LRRC71: variants seen among roughly 807,000 people sequenced by gnomAD.
LRRC71 encodes the protein leucine rich repeat containing 71.
Under a neutral mutation model 66.6 loss-of-function variants are expected in LRRC71, and 54 were observed. The ratio of observed to expected loss-of-function variants is 0.81; its 90% CI spans 0.65 to 1.02. The LOEUF is 1.02. Ranked by LOEUF, LRRC71 falls within the 50% of genes least tolerant of loss-of-function variation. LRRC71 has a pLI of 0.00. For missense variants in LRRC71, 724 were observed against 718.0 expected, an observed-to-expected ratio of 1.01 and a Z score of -0.10; for synonymous variants, 323 against 303.9, an observed-to-expected ratio of 1.06 and a Z score of -0.65.
intron 9 of LRRC71, among the ~76,000 whole-genome samples, chr1:156,928,386 C>T (rs1653627977): frequency 7.4e-6 from 1 of 135,824 alleles, no homozygotes; most frequent in South Asian, 2.5e-4. Flanking sequence ...TCTTCTTCTT[C>T]TTCTTCTTCT....
At chr1:156,922,082 G>A (rs544178798) in intron 1 of LRRC71, among the ~76,000 whole-genome samples, 2 of 152,252 alleles carry the variant, frequency 1.3e-5, no homozygotes, top group African/African-American at 4.8e-5. Context: ...GAGCTCTAAG[G>A]GGTGATGCCA....
downstream of LRRC71, among the ~76,000 whole-genome samples, chr1:156,933,804 A>G (rs1398797680): frequency 1.3e-5 from 2 of 152,242 alleles, no homozygotes; most frequent in African/African-American, 2.4e-5. Context: ...GCAGATCAGC[A>G]AAGACCAGCC....
At chr1:156,930,720 C>T in intron 12 of LRRC71, 103 bp downstream of exon 12, 1 of 1,059,184 alleles carries the variant, frequency 9.4e-7, no homozygotes. Context: ...TCTCCAGCCC[C>T]ATGCTGTGGC....
chr1:156,924,308 AG>A, intron 2 of LRRC71, 115 bp from the exon 3 acceptor site: 1 of 1,412,460 alleles, frequency 7.1e-7, no homozygotes, highest in Non-Finnish European at 9.4e-7. Flanking sequence ...CAGAGTCCGC[AG>A]GCCGGCGCCT....
downstream of LRRC71, among the ~76,000 whole-genome samples, chr1:156,934,051 T>C (rs1051232818): frequency 6.6e-6 from 1 of 152,176 alleles, no homozygotes; most frequent in African/African-American, 2.4e-5. Context: ...AAACCTATCA[T>C]TTCTTTGAAT....
At position 156,925,775 on chromosome 1, in the gene LRRC71, C is replaced by T. The variant is rs575946320; in HGVS notation, c.593+760C>T. On this transcript the variant is annotated intron_variant, in intron 5 of 14. Coordinates refer to ENST00000337428, the MANE Select transcript of LRRC71 (RefSeq NM_144702.3). The stretch of plus-strand genomic sequence containing the variant: ...GGTACCCCTCCATGCAGTGGCTTGC[C>T]TGTCTTCCTCCTGTAGATGGCATGG... Among the ~76,000 whole-genome samples the T allele has an allele frequency of 3.3e-5, 5 of 152,358 alleles. No homozygotes were observed. In the South Asian group the frequency reaches 8.3e-4, roughly 25 times the overall value.
chr1:156,932,096 T>C (rs822429), intron 13 of LRRC71, 69 bp downstream of exon 13: 270,286 of 1,250,546 alleles, frequency 0.22, 33,193 homozygotes, highest in African/African-American at 0.51. Context: ...CTGAGGGTGT[T>C]TACCCCGACT....
At chr1:156,938,670 C>A in the LRRC71 span, 1 of 594,486 alleles carries the variant, frequency 1.7e-6, no homozygotes, top group South Asian at 2.3e-5. Context: ...GATGACATCC[C>A]AGGCAGTGCA....
intron 11 of LRRC71, among the ~76,000 whole-genome samples, chr1:156,930,134 C>T (rs1300543443): frequency 7.4e-6 from 1 of 135,964 alleles, no homozygotes; most frequent in African/African-American, 2.9e-5. Flanking sequence ...ACTCTGTTGC[C>T]CAGGCTGGAG....
Position 156,929,738 on chromosome 1 carries a change from G to A in LRRC71, c.1240+9G>A, listed in dbSNP as rs375599123. Reference sequence around the variant, plus strand: ...AAAGGCAGGCAAGGGGAGTAAGTGCGGGTGCCCCTGGGTGGCATCTTCCTG... The same window carrying A: ...AAAGGCAGGCAAGGGGAGTAAGTGCAGGTGCCCCTGGGTGGCATCTTCCTG... On this transcript the variant is annotated intron_variant, in intron 11 of 14. Transcript: ENST00000337428. 36 of 1,551,726 alleles carry A rather than the reference G, an allele frequency of 2.3e-5. No homozygotes were observed. The highest frequency in any genetic ancestry group is 2.9e-5 in the Non-Finnish European group (33 of 1,147,216).
chr1:156,937,127 G>T, downstream of LRRC71: 1 of 1,568,042 alleles, frequency 6.4e-7, no homozygotes, highest in Non-Finnish European at 8.6e-7. Context: ...GCGGGCTGGG[G>T]GAAGATCCCT....
chr1:156,935,162 C>T (rs1654841509), downstream of LRRC71: 1 of 152,526 alleles, frequency 6.6e-6, no homozygotes, highest in Non-Finnish European at 1.5e-5. Context: ...GTACCTGCTT[C>T]ACTGGTTTTC....
At chr1:156,937,030 C>T, downstream of LRRC71, 3 of 1,607,012 alleles carry the variant, frequency 1.9e-6, no homozygotes, top group South Asian at 3.3e-5. Flanking sequence ...GGGGGAATGT[C>T]TGCTCGAGTC....
At position 156,924,695 on chromosome 1, in the gene LRRC71, G is replaced by C. The variant is rs1328207154; in HGVS notation, c.492G>C (p.Pro164=). 6.4e-7 allele frequency: 1 copy of C among 1,551,100 alleles called. No homozygotes were observed. Among genetic ancestry groups the C allele is most frequent in the Non-Finnish European group, 8.7e-7 (1 of 1,146,714 alleles). Residue 164 remains proline (P), a synonymous_variant, in exon 4 of 15, where the codon CCG becomes CCC. Transcript: ENST00000337428. ...GTGTCTTCTCTAAATGTCTGCCCCC[G>C]CTTACCCAGCTACAGGCCATCAAGT... ...ILGVFSKCLP[P]LTQLQAINLW...
At chr1:156,934,853 A>C (rs1043827712), downstream of LRRC71, 3 of 151,192 alleles carry the variant, frequency 2.0e-5, no homozygotes, top group African/African-American at 7.3e-5. Flanking sequence ...AGGATATTTA[A>C]CTTTTCTTAA....
intron 10 of LRRC71, 33 bp downstream of exon 10, chr1:156,929,462 G>A: frequency 1.2e-6 from 2 of 1,613,202 alleles, no homozygotes; most frequent in Non-Finnish European, 1.7e-6. Context: ...CCTGGGTGCT[G>A]GACGGACAGG....
the LRRC71 span, chr1:156,938,546 G>A: frequency 1.2e-6 from 2 of 1,602,206 alleles, no homozygotes; most frequent in African/African-American, 2.7e-5. Context: ...AGGAAGAGGA[G>A]AGACCAAAAC....
In LRRC71 at chr1:156,933,030, T is replaced by TG. The variant is rs1270640031; in HGVS notation, c.*65dup. On this transcript the variant is annotated 3_prime_UTR_variant, in exon 15 of 15. Coordinates refer to ENST00000337428, the MANE Select transcript of LRRC71 (RefSeq NM_144702.3). The stretch of plus-strand genomic sequence containing the variant: ...TACAGAAGCACCTCCTGTCCCTGTG[T>TG]GGGGTGACCTCCCTGGGGGAGATCT... 5.7e-6 allele frequency: 7 copies of TG among 1,234,490 alleles called. No individual in the cohort carries two copies. In the African/African-American group the frequency reaches 1.1e-4, roughly 19 times the overall value. The allele number at this position is 1,234,490 out of a possible 1,614,324, so 76.5% of individuals were successfully genotyped here. A position where few individuals can be genotyped will look rare whatever the true frequency, so the allele number is the denominator to read the frequency against.
downstream of LRRC71, among the ~76,000 whole-genome samples, chr1:156,936,480 G>GAAAAAA (rs35863393): frequency 2.9e-4 from 14 of 48,016 alleles, no homozygotes; most frequent in African/African-American, 1.0e-3. Context: ...CAAATAAATA[G>GAAAAAA]AAAAAAAAAA....
Sources: allele counts gnomAD v4.1 joint callset (sites outside exome capture counted in the v4.1 genomes callset), GRCh38; gene constraint gnomAD v4.1.1; transcripts MANE v1.5; gene names NCBI Gene and HGNC (gene_info 2026-07-23, HGNC 2026-07-21).